KCNQ1: variants seen among roughly 807,000 people sequenced by gnomAD.
KCNQ1 encodes the protein potassium voltage-gated channel subfamily KQT member 1.
In KCNQ1, 49 loss-of-function variants were observed where a neutral mutation model predicts 72.4. That is an observed-to-expected ratio of 0.68 (90% CI 0.54 to 0.86). The LOEUF is 0.86. Among genes scored for constraint, KCNQ1 ranks in the 40% least tolerant of loss-of-function variants. The pLI, the probability that KCNQ1 is intolerant of heterozygous loss-of-function variation, is 0.00. For synonymous variants in KCNQ1, 450 were observed against 412.6 expected, an observed-to-expected ratio of 1.09 and a Z score of -1.10; for missense variants, 790 against 945.1, an observed-to-expected ratio of 0.84 and a Z score of 2.15.
rs904208976 is a variant in KCNQ1, at chr11:2,592,981, G to A, written c.1393+4127G>A. ...GGATCCCAGGAGTCCTGAAGGAGCC[G>A]CCTCCATCCTGAGCTGCCTACCCTG... is the stretch of plus-strand genomic sequence containing the variant. On this transcript the variant is annotated intron_variant, in intron 10 of 15. Coordinates refer to ENST00000155840, the MANE Select transcript of KCNQ1 (RefSeq NM_000218.3). The surrounding 1 kb of genome is among the most constrained non-coding windows in gnomAD (Gnocchi z 5.2). Among the ~76,000 whole-genome samples, 2 of 152,158 alleles carry A rather than the reference G, an allele frequency of 1.3e-5. No individual in the cohort carries two copies. The highest frequency in any genetic ancestry group is 6.5e-5 in the Admixed American group (1 of 15,282).
Position 2,460,788 on chromosome 11 carries a change from T to G in KCNQ1, c.386+15304T>G, listed in dbSNP as rs777019476. Among the ~76,000 whole-genome samples the G allele has an allele frequency of 2.0e-5, 3 of 152,178 alleles. 1 individual carries two copies. Among genetic ancestry groups the G allele is most frequent in the Non-Finnish European group, 2.9e-5 (2 of 68,018 alleles). On this transcript the variant is annotated intron_variant, in intron 1 of 15. Coordinates refer to ENST00000155840, the MANE Select transcript of KCNQ1 (RefSeq NM_000218.3). ...GAGGGTGGTAGGTGTGTCTCCACAG[T>G]GGGGGACCAGATCTCTCTCTGGCCC...
chr11:2,758,314 G>A lies in KCNQ1; in HGVS notation c.1515-10530G>A, dbSNP rs1057211602. On this transcript the variant is annotated intron_variant, in intron 11 of 15. Coordinates refer to ENST00000155840, the MANE Select transcript of KCNQ1 (RefSeq NM_000218.3). The stretch of plus-strand genomic sequence containing the variant: ...AGTACACCAAAAGATGATCAACTTC[G>A]TTAGCAAAGATGGAAATGCAGATTA... Among the ~76,000 whole-genome samples, 4 of 152,302 alleles carry A rather than the reference G, an allele frequency of 2.6e-5. No homozygotes were observed. In the East Asian group the frequency reaches 7.7e-4, roughly 29 times the overall value.
rs912547349 is a variant in KCNQ1, at chr11:2,550,752, C to G, written c.478-19876C>G. On this transcript the variant is annotated intron_variant, in intron 2 of 15. Coordinates refer to ENST00000155840, the MANE Select transcript of KCNQ1 (RefSeq NM_000218.3). This position sits in a 1 kb window ranked among gnomAD's most constrained non-coding sequence, Gnocchi z 6.0. The stretch of plus-strand genomic sequence containing the variant: ...GGGCAGGGCAGCACCAGGCTCAGCC[C>G]AGGACCAGAGCGCAAATAGGGCTGG... 6.6e-6 allele frequency among the ~76,000 whole-genome samples: 1 copy of G among 152,104 alleles called. No individual in the cohort carries two copies. The highest frequency in any genetic ancestry group is 2.4e-5 in the African/African-American group (1 of 41,414).
intron 1 of KCNQ1, among the ~76,000 whole-genome samples, chr11:2,502,373 T>A (rs1183174395): frequency 6.6e-6 from 1 of 152,164 alleles, no homozygotes; most frequent in Non-Finnish European, 1.5e-5. Context: ...CATACAAAAA[T>A]CAGTAGCATT....
Position 2,451,299 on chromosome 11 carries a change from G to A in KCNQ1, c.386+5815G>A, listed in dbSNP as rs560103821. ...GCAACCTAGATCCCTTGTGTGCGCA[G>A]TTCACAATAGGATTTGTGCTCCTGT... On this transcript the variant is annotated intron_variant, in intron 1 of 15. Coordinates refer to ENST00000155840, the MANE Select transcript of KCNQ1 (RefSeq NM_000218.3). This position sits in a 1 kb window ranked among gnomAD's most constrained non-coding sequence, Gnocchi z 6.4. Among the ~76,000 whole-genome samples, 1 of 152,324 alleles carries A rather than the reference G, an allele frequency of 6.6e-6. No homozygotes were observed. Among genetic ancestry groups the A allele is most frequent in the South Asian group, 2.1e-4 (1 of 4,828 alleles).
At position 2,456,657 on chromosome 11, in the gene KCNQ1, C is replaced by T. The variant is rs1248015155; in HGVS notation, c.386+11173C>T. The stretch of plus-strand genomic sequence containing the variant: ...GGCAAAAGGGCCGGGCGCGGTGGCT[C>T]ACGCCTGTAATCCCAGCACGTTGGG... On this transcript the variant is annotated intron_variant, in intron 1 of 15. Transcript: ENST00000155840. 6.0e-5 allele frequency among the ~76,000 whole-genome samples: 9 copies of T among 151,096 alleles called. No homozygotes were observed. In the East Asian group the frequency reaches 1.8e-3, roughly 30 times the overall value.
chr11:2,609,962 T>C (rs1255541549), intron 10 of KCNQ1: 1 of 397,944 alleles, frequency 2.5e-6, no homozygotes, highest in Non-Finnish European at 4.4e-6. Flanking sequence ...TCAAATCTGG[T>C]CTGATAATTC....
At chr11:2,689,859 C>T (rs1226602677) in intron 11 of KCNQ1, 2 of 398,714 alleles carry the variant, frequency 5.0e-6, no homozygotes. Context: ...CACTTAGCAC[C>T]CACCCCTGCC....
chr11:2,712,278 A>G lies in KCNQ1; in HGVS notation c.1514+50197A>G, dbSNP rs554109034. The stretch of plus-strand genomic sequence containing the variant: ...ATGTGGGAGTTACCGTGTGGGATGG[A>G]CTGACACTGGTGACCCCTGCCTGGG... On this transcript the variant is annotated intron_variant, in intron 11 of 15. Coordinates refer to ENST00000155840, the MANE Select transcript of KCNQ1 (RefSeq NM_000218.3). The surrounding 1 kb of genome is among the most constrained non-coding windows in gnomAD (Gnocchi z 6.4). Among the ~76,000 whole-genome samples, 2 of 151,950 alleles carry G rather than the reference A, an allele frequency of 1.3e-5. No homozygotes were observed. The highest frequency in any genetic ancestry group is 2.9e-5 in the Non-Finnish European group (2 of 67,992).
At chr11:2,732,802 C>A in intron 11 of KCNQ1, among the ~76,000 whole-genome samples, 1 of 152,168 alleles carries the variant, frequency 6.6e-6, no homozygotes, top group East Asian at 1.9e-4. Context: ...CAGCCGGAGC[C>A]TGGGGGCCTC....
Position 2,813,122 on chromosome 11 carries a change from G to A in KCNQ1, c.1795-34645G>A, listed in dbSNP as rs1411000353. 6.6e-6 allele frequency among the ~76,000 whole-genome samples: 1 copy of A among 152,234 alleles called. No individual in the cohort carries two copies. The highest frequency in any genetic ancestry group is 1.5e-5 in the Non-Finnish European group (1 of 68,034). On this transcript the variant is annotated intron_variant, in intron 15 of 15. Transcript: ENST00000155840. This position sits in a 1 kb window ranked among gnomAD's most constrained non-coding sequence, Gnocchi z 4.4. The stretch of plus-strand genomic sequence containing the variant: ...GAACCCTGTGCCTAGAACGGAGCCT[G>A]GTACAGAGGAAGAACCCGACAGACT...
Position 2,495,851 on chromosome 11 carries a change from G to T in KCNQ1, c.387-32077G>T, listed in dbSNP as rs190507260. 6.6e-6 allele frequency among the ~76,000 whole-genome samples: 1 copy of T among 152,186 alleles called. No individual in the cohort carries two copies. Among genetic ancestry groups the T allele is most frequent in the Non-Finnish European group, 1.5e-5 (1 of 68,040 alleles). On this transcript the variant is annotated intron_variant, in intron 1 of 15. Transcript: ENST00000155840. The surrounding 1 kb of genome is among the most constrained non-coding windows in gnomAD (Gnocchi z 4.6). ...GGAAAGTTCTGTAGATGTCTATTAGGTCCGCTTGGTCCAGAGCTGAGTTCA... is the reference window on the plus strand; with the variant it reads ...GGAAAGTTCTGTAGATGTCTATTAGTTCCGCTTGGTCCAGAGCTGAGTTCA...
chr11:2,586,716 G>A (rs1267798190), intron 8 of KCNQ1, among the ~76,000 whole-genome samples: 6 of 152,114 alleles, frequency 3.9e-5, no homozygotes, highest in South Asian at 2.1e-4. Flanking sequence ...CTGGGTGCTG[G>A]ATGGGAGTGA....
At chr11:2,636,428 A>G (rs1328076830) in intron 10 of KCNQ1, 1 of 152,176 alleles carries the variant, frequency 6.6e-6, no homozygotes, top group African/African-American at 2.4e-5. Flanking sequence ...CCTTTTCTGC[A>G]TCTATTGAGA....
rs969412240 is a variant in KCNQ1, at chr11:2,748,381, T to G, written c.1515-20463T>G. 1.3e-5 allele frequency among the ~76,000 whole-genome samples: 2 copies of G among 152,136 alleles called. No individual in the cohort carries two copies. The highest frequency in any genetic ancestry group is 2.9e-5 in the Non-Finnish European group (2 of 68,004). On this transcript the variant is annotated intron_variant, in intron 11 of 15. Coordinates refer to ENST00000155840, the MANE Select transcript of KCNQ1 (RefSeq NM_000218.3). This position sits in a 1 kb window ranked among gnomAD's most constrained non-coding sequence, Gnocchi z 6.2. ...CTGTCCCAGTAAGGGTGGTTGTGTG[T>G]GTTGGGTAGATGTGGTGAGGTGTGC...
chr11:2,687,886 G>T lies in KCNQ1; in HGVS notation c.1514+25805G>T, dbSNP rs1165499594. ...AAGGCTGGACTTGGGGTGTCCCGCGGAAATCCTGGTGGGATGGAAAATCCC... is the reference window on the plus strand; with the variant it reads ...AAGGCTGGACTTGGGGTGTCCCGCGTAAATCCTGGTGGGATGGAAAATCCC... On this transcript the variant is annotated intron_variant, in intron 11 of 15. Coordinates refer to ENST00000155840, the MANE Select transcript of KCNQ1 (RefSeq NM_000218.3). This position sits in a 1 kb window ranked among gnomAD's most constrained non-coding sequence, Gnocchi z 5.0. The T allele has an allele frequency of 2.5e-6, 1 of 398,594 alleles. No homozygotes were observed. The highest frequency in any genetic ancestry group is 4.4e-5 in the Admixed American group (1 of 22,726). The allele number at this position is 398,594 out of a possible 1,614,324, so 24.7% of individuals were successfully genotyped here.
intron 11 of KCNQ1, among the ~76,000 whole-genome samples, chr11:2,760,011 A>C (rs1397488338): frequency 6.6e-6 from 1 of 152,196 alleles, no homozygotes; most frequent in Non-Finnish European, 1.5e-5. Context: ...TCGGCCCGCC[A>C]TGGGCAGCCC....
At position 2,655,119 on chromosome 11, in the gene KCNQ1, C is replaced by T. The variant is rs1441836634; in HGVS notation, c.1394-6842C>T. On this transcript the variant is annotated intron_variant, in intron 10 of 15. Transcript: ENST00000155840. Reference sequence around the variant, plus strand: ...ATAAAATTCAAATCCCCCTATCGAGCAGGACCACTGACTAGAAAGGAGGAT... The same window carrying T: ...ATAAAATTCAAATCCCCCTATCGAGTAGGACCACTGACTAGAAAGGAGGAT... 1.0e-5 allele frequency: 4 copies of T among 398,478 alleles called. No homozygotes were observed. In the East Asian group the frequency reaches 1.1e-4, roughly 11 times the overall value. 24.7% of individuals were successfully genotyped at this position (398,478 alleles called of 1,614,324 possible).
chr11:2,634,642 G>T (rs1229076531), intron 10 of KCNQ1: 1 of 152,080 alleles, frequency 6.6e-6, no homozygotes, highest in African/African-American at 2.4e-5. Flanking sequence ...ATAAACATAC[G>T]TGTGCATGTG....
Sources: allele counts gnomAD v4.1 joint callset (sites outside exome capture counted in the v4.1 genomes callset), GRCh38; gene constraint gnomAD v4.1.1; non-coding constraint Gnocchi (gnomAD v3.1); transcripts MANE v1.5; gene names NCBI Gene and HGNC (gene_info 2026-07-23, HGNC 2026-07-21).